Variants in ROBO2 observed in about 807,000 individuals in gnomAD.
ROBO2 encodes the protein roundabout homolog 2.
ROBO2 carries 53 observed loss-of-function variants against 160.8 expected under a neutral mutation model. That is an observed-to-expected ratio of 0.33 (90% confidence interval 0.26 to 0.41). The LOEUF is 0.41. Ranked by LOEUF, ROBO2 falls within the 10% of genes least tolerant of loss-of-function variation. The probability of loss-of-function intolerance (pLI) is 1.00; values close to 1 mark genes in which losing one functional copy is unlikely to be tolerated. For missense variants in ROBO2, 1,577 were observed against 1,722.4 expected (o/e 0.92, Z 1.49); for synonymous variants, 664 against 611.7 (o/e 1.09, Z -1.26).
intron 2 of ROBO2, among the ~76,000 whole-genome samples, chr3:76,587,122 C>T (rs892278572): frequency 6.6e-6 from 1 of 152,150 alleles, no homozygotes; most frequent in East Asian, 1.9e-4. Flanking sequence ...CTAGTTATTA[C>T]GCCCATTGCC....
intron 1 of ROBO2, among the ~76,000 whole-genome samples, chr3:77,080,746 A>G (rs866111740): frequency 3.9e-5 from 6 of 152,154 alleles, no homozygotes; most frequent in Middle Eastern, 3.2e-3. Context: ...TTCCTGATGC[A>G]TACAACTGCC....
At chr3:76,910,149 T>C (rs1049321722) in intron 2 of ROBO2, among the ~76,000 whole-genome samples, 5 of 152,176 alleles carry the variant, frequency 3.3e-5, no homozygotes, top group Non-Finnish European at 7.3e-5. Context: ...TAGCCACTCA[T>C]TGGTCTTCCT....
intron 2 of ROBO2, among the ~76,000 whole-genome samples, chr3:77,252,607 A>C (rs2090460849): frequency 6.6e-6 from 1 of 151,260 alleles, no homozygotes; most frequent in Admixed American, 6.6e-5. Flanking sequence ...GGAGATGGAG[A>C]CCATCCTGGC....
intron 2 of ROBO2, among the ~76,000 whole-genome samples, chr3:77,474,005 A>G (rs960211757): frequency 2.0e-5 from 3 of 152,192 alleles, no homozygotes; most frequent in South Asian, 2.1e-4. Context: ...TTACCTGCCT[A>G]AAGTCCGGAC....
chr3:77,203,119 C>A (rs182080480), intron 2 of ROBO2, among the ~76,000 whole-genome samples: 4 of 152,158 alleles, frequency 2.6e-5, no homozygotes, highest in Admixed American at 2.6e-4. Flanking sequence ...TTATGTCCAG[C>A]GAATCAATAA....
chr3:77,599,130 A>G (rs996573122), intron 19 of ROBO2, among the ~76,000 whole-genome samples: 5 of 152,172 alleles, frequency 3.3e-5, no homozygotes, highest in Non-Finnish European at 7.3e-5. Context: ...TGTAGAGTTG[A>G]CTGTATCCCT....
chr3:76,990,072 A>C (rs1410586713), intron 2 of ROBO2, among the ~76,000 whole-genome samples: 1 of 107,202 alleles, frequency 9.3e-6, no homozygotes, highest in Non-Finnish European at 1.9e-5. Context: ...TATGAAAGCT[A>C]TTGAAAAATT....
chr3:76,893,679 G>A (rs73102427), intron 2 of ROBO2, among the ~76,000 whole-genome samples: 7,293 of 152,068 alleles, frequency 0.048, 246 homozygotes, highest in South Asian at 0.14. Flanking sequence ...AACAATTCAA[G>A]TCCTCTCTTC....
At chr3:76,565,972 C>T (rs963182393) in intron 2 of ROBO2, among the ~76,000 whole-genome samples, 2 of 152,180 alleles carry the variant, frequency 1.3e-5, no homozygotes, top group African/African-American at 4.8e-5. Flanking sequence ...TTGCCTGGTA[C>T]TCTGCCATTA....
At chr3:76,964,552 C>T (rs1457603948) in intron 2 of ROBO2, among the ~76,000 whole-genome samples, 1 of 152,128 alleles carries the variant, frequency 6.6e-6, no homozygotes, top group Non-Finnish European at 1.5e-5. Context: ...ACCATGTTGG[C>T]CAGGCTGGTC....
chr3:76,148,918 C>T (rs1196079617), intron 2 of ROBO2, among the ~76,000 whole-genome samples: 2 of 152,074 alleles, frequency 1.3e-5, no homozygotes, highest in Non-Finnish European at 2.9e-5. Context: ...CATTCAGTCA[C>T]ATAGTTTTAT....
chr3:76,307,770 T>C (rs1238804039), intron 2 of ROBO2, among the ~76,000 whole-genome samples: 1 of 152,172 alleles, frequency 6.6e-6, no homozygotes, highest in African/African-American at 2.4e-5. Flanking sequence ...AGTAGCAATA[T>C]GTAGAGTATG....
intron 2 of ROBO2, among the ~76,000 whole-genome samples, chr3:76,625,493 T>C (rs1288348923): frequency 6.6e-6 from 1 of 151,898 alleles, no homozygotes. Flanking sequence ...AAGGAAAATA[T>C]GTTTTGAATT....
intron 2 of ROBO2, among the ~76,000 whole-genome samples, chr3:76,055,472 GT>G (rs1306532566): frequency 6.6e-6 from 1 of 152,142 alleles, no homozygotes; most frequent in African/African-American, 2.4e-5. Context: ...TCAATAGGCA[GT>G]TTATTAACCC....
intron 2 of ROBO2, among the ~76,000 whole-genome samples, chr3:76,997,638 C>T (rs1253671112): frequency 5.3e-5 from 8 of 152,118 alleles, no homozygotes; most frequent in Non-Finnish European, 1.2e-4. Context: ...AAGAGAAAGA[C>T]CAGATCAAGA....
intron 2 of ROBO2, among the ~76,000 whole-genome samples, chr3:76,096,420 C>A (rs1319882379): frequency 6.6e-6 from 1 of 152,072 alleles, no homozygotes; most frequent in African/African-American, 2.4e-5. Flanking sequence ...GTGCTGTTAA[C>A]CCAGAGGAAG....
chr3:76,207,421 T>G (rs1296146748), intron 2 of ROBO2, among the ~76,000 whole-genome samples: 4 of 152,186 alleles, frequency 2.6e-5, no homozygotes, highest in African/African-American at 9.7e-5. Context: ...TTTATGATGT[T>G]AATTTTAGTA....
chr3:76,208,420 T>A (rs1167639056), intron 2 of ROBO2, among the ~76,000 whole-genome samples: 2 of 152,206 alleles, frequency 1.3e-5, no homozygotes, highest in African/African-American at 4.8e-5. Flanking sequence ...ACTTATTCTT[T>A]TAGTGTTCTC....
At chr3:76,960,967 G>GT (rs1405750407) in intron 2 of ROBO2, among the ~76,000 whole-genome samples, 4 of 152,020 alleles carry the variant, frequency 2.6e-5, no homozygotes, top group Non-Finnish European at 5.9e-5. Flanking sequence ...ACAAGCAGTG[G>GT]TTTCTCTAAG....
Sources: gnomAD v4.1 joint callset for allele counts (sites outside exome capture counted in the v4.1 genomes callset) on GRCh38, gnomAD v4.1.1 for gene constraint, MANE v1.5 for transcripts, NCBI Gene and HGNC (gene_info 2026-07-23, HGNC 2026-07-21) for gene names.